The following NEDD4 variants were observed in gnomAD, a reference collection of about 807,000 sequenced individuals.
NEDD4 encodes the protein E3 ubiquitin-protein ligase NEDD4.
NEDD4 carries 99 observed loss-of-function variants against 144.9 expected under a neutral mutation model. The observed-to-expected ratio is 0.68, with a 90% CI of 0.58 to 0.81. The LOEUF is 0.81. NEDD4 is among the 30% of genes least tolerant of loss of function. The pLI is 0.00. For synonymous variants in NEDD4, 318 were observed against 350.6 expected, an observed-to-expected ratio of 0.91 and a Z score of 1.04; for missense variants, 985 against 1,065.9, an observed-to-expected ratio of 0.92 and a Z score of 1.06.
chr15:55,968,715 T>C (rs62045218), intron 1 of NEDD4, among the ~76,000 whole-genome samples: 12,000 of 152,220 alleles, frequency 0.079, 526 homozygotes, highest in Admixed American at 0.11. Context: ...TCTAAAGAGA[T>C]GTTTGACATG....
chr15:55,839,846 C>T (rs1291884088), intron 21 of NEDD4, among the ~76,000 whole-genome samples: 2 of 150,128 alleles, frequency 1.3e-5, no homozygotes, highest in Admixed American at 6.6e-5. Flanking sequence ...TGTGGTGGTG[C>T]GCGCCTGTAG....
intron 4 of NEDD4, among the ~76,000 whole-genome samples, chr15:55,947,185 T>TA (rs1168319974): frequency 6.6e-6 from 1 of 151,718 alleles, no homozygotes; most frequent in Non-Finnish European, 1.5e-5. Context: ...GAGAGAGACA[T>TA]AAAAAACCCT....
intron 5 of NEDD4, among the ~76,000 whole-genome samples, chr15:55,889,709 G>GT (rs202144074): frequency 0.03 from 4,577 of 151,610 alleles, 122 homozygotes; most frequent in African/African-American, 0.069. Context: ...GTTTTGTTTT[G>GT]TTTTTTTTGG....
chr15:55,845,887 G>T (rs2033720901), intron 18 of NEDD4, among the ~76,000 whole-genome samples: 1 of 150,738 alleles, frequency 6.6e-6, no homozygotes, highest in African/African-American at 2.4e-5. Context: ...CTGGGTTCAA[G>T]CGGTTCTCCT....
chr15:55,942,106 A>G (rs1438001592), intron 4 of NEDD4, among the ~76,000 whole-genome samples: 7 of 151,948 alleles, frequency 4.6e-5, no homozygotes, highest in African/African-American at 1.7e-4. Context: ...TAGAAGTGGT[A>G]AAATCAACTA....
At chr15:55,925,410 G>C (rs1002605142) in intron 4 of NEDD4, among the ~76,000 whole-genome samples, 2 of 152,190 alleles carry the variant, frequency 1.3e-5, no homozygotes, top group African/African-American at 2.4e-5. Context: ...AGAAACTAGT[G>C]TTGTGAATCC....
intron 4 of NEDD4, among the ~76,000 whole-genome samples, chr15:55,943,948 T>C (rs2037057639): frequency 6.6e-6 from 1 of 152,234 alleles, no homozygotes; most frequent in Non-Finnish European, 1.5e-5. Context: ...ACCCACCCCT[T>C]GCATCAGTGT....
intron 9 of NEDD4, among the ~76,000 whole-genome samples, chr15:55,861,341 T>C (rs758968501): frequency 5.3e-5 from 8 of 152,142 alleles, no homozygotes; most frequent in Non-Finnish European, 7.4e-5. Context: ...TTTCGTAATA[T>C]ACAGTCATGG....
In NEDD4 at chr15:55,841,134, A is replaced by G. The variant is rs2033483363; in HGVS notation, c.1839-407T>C. ...TTTTTAGTAGAGACAGGGTTTCACT[A>G]TGTTGGTCAGGCTGGTCTTGAACTC... On this transcript the variant is annotated intron_variant, in intron 19 of 28. Coordinates refer to ENST00000435532, the MANE Select transcript of NEDD4 (RefSeq NM_006154.4). Among the ~76,000 whole-genome samples, 2 of 152,188 alleles carry G rather than the reference A, an allele frequency of 1.3e-5. 1 individual carries two copies. Among genetic ancestry groups the G allele is most frequent in the South Asian group, 4.1e-4 (2 of 4,836 alleles).
At chr15:55,835,771 T>C (rs543331750) in intron 24 of NEDD4, among the ~76,000 whole-genome samples, 1 of 152,196 alleles carries the variant, frequency 6.6e-6, no homozygotes. Context: ...ACTGTAGCAC[T>C]TTCCCAACTC....
chr15:55,916,267 T>C (rs762314172), intron 5 of NEDD4: 11 of 1,614,086 alleles, frequency 6.8e-6, no homozygotes, highest in Admixed American at 6.7e-5. Flanking sequence ...TAACTACTAC[T>C]GTCACTGATG....
chr15:55,943,727 G>T (rs2037052551), intron 4 of NEDD4, among the ~76,000 whole-genome samples: 1 of 152,232 alleles, frequency 6.6e-6, no homozygotes, highest in Non-Finnish European at 1.5e-5. Flanking sequence ...TGTGGGACTG[G>T]AGTCCCCACA....
intron 1 of NEDD4, among the ~76,000 whole-genome samples, chr15:55,969,126 G>A (rs1192611663): frequency 2.0e-5 from 3 of 152,248 alleles, no homozygotes; most frequent in South Asian, 2.1e-4. Flanking sequence ...ATGCCTTTGC[G>A]GGACGAAGGG....
chr15:55,905,680 T>C (rs1252915540), intron 5 of NEDD4, among the ~76,000 whole-genome samples: 3 of 152,216 alleles, frequency 2.0e-5, no homozygotes, highest in Admixed American at 1.3e-4. Context: ...GAAAGAACTT[T>C]AAAAATAAAA....
chr15:55,983,578 C>T (rs1004650253), intron 1 of NEDD4, among the ~76,000 whole-genome samples: 4 of 151,954 alleles, frequency 2.6e-5, no homozygotes, highest in African/African-American at 9.7e-5. Flanking sequence ...TCTCCCTTCT[C>T]CACACCATAT....
intron 2 of NEDD4, among the ~76,000 whole-genome samples, chr15:55,963,651 G>A (rs945651575): frequency 6.6e-6 from 1 of 152,094 alleles, no homozygotes; most frequent in Admixed American, 6.5e-5. Context: ...ACAGGCATAT[G>A]TTTTATTTTA....
At chr15:55,949,790 G>A (rs2037204068) in intron 4 of NEDD4, among the ~76,000 whole-genome samples, 1 of 152,056 alleles carries the variant, frequency 6.6e-6, no homozygotes, top group Admixed American at 6.6e-5. Context: ...GTCACACACT[G>A]GGGCCTGTCA....
intron 1 of NEDD4, among the ~76,000 whole-genome samples, chr15:55,984,202 A>C (rs1404133457): frequency 1.3e-5 from 2 of 152,236 alleles, no homozygotes; most frequent in Non-Finnish European, 2.9e-5. Context: ...AATTTTGCAC[A>C]CATTCCATTC....
At chr15:55,893,955 G>A (rs1382157963) in intron 5 of NEDD4, among the ~76,000 whole-genome samples, 1 of 151,710 alleles carries the variant, frequency 6.6e-6, no homozygotes, top group Admixed American at 6.6e-5. Flanking sequence ...ATACTATAAT[G>A]GGCTTATTTA....
Sources: gnomAD v4.1 joint callset for allele counts (sites outside exome capture counted in the v4.1 genomes callset) on GRCh38, gnomAD v4.1.1 for gene constraint, MANE v1.5 for transcripts, NCBI Gene and HGNC (gene_info 2026-07-23, HGNC 2026-07-21) for gene names.